ADGRL2: variants seen among roughly 807,000 people sequenced by gnomAD.
ADGRL2 encodes the protein calcium-independent alpha-latrotoxin receptor 2.
Under a neutral mutation model 157.4 loss-of-function variants are expected in ADGRL2, and 44 were observed. The ratio of observed to expected loss-of-function variants is 0.28; its 90% CI spans 0.22 to 0.36. ADGRL2 has a LOEUF of 0.36. Among genes scored for constraint, ADGRL2 ranks in the 10% least tolerant of loss-of-function variants. The pLI is 1.00. For missense variants in ADGRL2, 1,510 were observed against 1,768.9 expected, an observed-to-expected ratio of 0.85 and a Z score of 2.63; for synonymous variants, 585 against 624.7, an observed-to-expected ratio of 0.94 and a Z score of 0.95.
chr1:81,478,819 G>A (rs2078325599), intron 2 of ADGRL2, among the ~76,000 whole-genome samples: 1 of 151,822 alleles, frequency 6.6e-6, no homozygotes, highest in Non-Finnish European at 1.5e-5. Context: ...AAAAATACTG[G>A]CATCTGCATG....
At chr1:81,680,179 C>T (rs1206458779) in intron 3 of ADGRL2, among the ~76,000 whole-genome samples, 2 of 152,200 alleles carry the variant, frequency 1.3e-5, no homozygotes, top group African/African-American at 2.4e-5. Context: ...CCCACACTGC[C>T]AGATCGGCAG....
chr1:81,707,228 CA>C (rs1359042654), intron 1 of ADGRL2, among the ~76,000 whole-genome samples: 3 of 152,010 alleles, frequency 2.0e-5, no homozygotes, highest in South Asian at 2.1e-4. Context: ...GTACAATTAT[CA>C]GGGGGAAAAA....
At chr1:81,681,025 A>G (rs1487891725) in intron 3 of ADGRL2, among the ~76,000 whole-genome samples, 2 of 152,234 alleles carry the variant, frequency 1.3e-5, no homozygotes, top group African/African-American at 2.4e-5. Flanking sequence ...CACTATAGTA[A>G]GACCTAGGAA....
At chr1:81,527,977 G>A (rs1433826210) in intron 2 of ADGRL2, among the ~76,000 whole-genome samples, 1 of 151,966 alleles carries the variant, frequency 6.6e-6, no homozygotes, top group Non-Finnish European at 1.5e-5. Context: ...TGAGGCAGGA[G>A]AATGACGTGA....
intron 1 of ADGRL2, among the ~76,000 whole-genome samples, chr1:81,401,370 G>A (rs12138599): frequency 0.026 from 3,960 of 152,002 alleles, 84 homozygotes; most frequent in Middle Eastern, 0.088. Context: ...TGGGGCAACC[G>A]GGATCCTCTT....
chr1:81,663,985 T>C (rs1157115185), intron 3 of ADGRL2, among the ~76,000 whole-genome samples: 3 of 152,198 alleles, frequency 2.0e-5, no homozygotes, highest in Admixed American at 6.6e-5. Flanking sequence ...TTTACAAAGC[T>C]AGAAAGATCA....
intron 3 of ADGRL2, among the ~76,000 whole-genome samples, chr1:81,599,663 AT>A (rs1279429498): frequency 1.3e-5 from 2 of 152,186 alleles, no homozygotes; most frequent in Admixed American, 6.5e-5. Flanking sequence ...ATACAGTTTA[AT>A]TTTTTTTAAA....
At chr1:81,456,434 C>T (rs891224843) in intron 2 of ADGRL2, among the ~76,000 whole-genome samples, 8 of 152,084 alleles carry the variant, frequency 5.3e-5, no homozygotes, top group Middle Eastern at 3.4e-3. Context: ...GACAGGGTCT[C>T]GCTTTGTTGC....
At chr1:81,864,673 G>T (rs1159191741) in intron 2 of ADGRL2, among the ~76,000 whole-genome samples, 1 of 151,964 alleles carries the variant, frequency 6.6e-6, no homozygotes, top group Non-Finnish European at 1.5e-5. Context: ...ATTTCTAAAA[G>T]TTACGAAGCT....
intron 11 of ADGRL2, among the ~76,000 whole-genome samples, chr1:81,963,168 TC>T (rs1392268476): frequency 6.7e-5 from 6 of 89,028 alleles, no homozygotes; most frequent in Non-Finnish European, 1.5e-4. Context: ...AACTTATACT[TC>T]TTTTTTTTAT....
At chr1:81,497,850 CT>C (rs990884913) in intron 2 of ADGRL2, among the ~76,000 whole-genome samples, 2 of 152,156 alleles carry the variant, frequency 1.3e-5, no homozygotes, top group African/African-American at 4.8e-5. Context: ...AAGATGTGAA[CT>C]GTTTAAAAAT....
intron 2 of ADGRL2, among the ~76,000 whole-genome samples, chr1:81,901,710 A>G (rs1255462486): frequency 4.6e-5 from 7 of 152,116 alleles, no homozygotes; most frequent in Non-Finnish European, 7.3e-5. Flanking sequence ...TTTAGTGAAA[A>G]TGTTGGGTTT....
chr1:81,950,874 C>T, intron 7 of ADGRL2, 144 bp from the exon 8 acceptor site: 3 of 612,548 alleles, frequency 4.9e-6, no homozygotes, highest in South Asian at 2.0e-5. Context: ...TGCATTATAC[C>T]CTACTTTTTG....
chr1:81,480,314 A>T (rs2078358834), intron 2 of ADGRL2, among the ~76,000 whole-genome samples: 2 of 152,152 alleles, frequency 1.3e-5, no homozygotes. Flanking sequence ...TAAGGTAAAA[A>T]GTCAAGTATT....
chr1:81,721,762 C>A (rs901166122), intron 1 of ADGRL2: 11 of 1,404,118 alleles, frequency 7.8e-6, no homozygotes, highest in Middle Eastern at 2.0e-4. Flanking sequence ...GCATTCTGCA[C>A]ACCGAGGAAA....
intron 11 of ADGRL2, among the ~76,000 whole-genome samples, chr1:81,958,891 G>T (rs1654455443): frequency 6.6e-6 from 1 of 152,144 alleles, no homozygotes; most frequent in Non-Finnish European, 1.5e-5. Flanking sequence ...CATATAGTAT[G>T]TAGTACTCCT....
intron 1 of ADGRL2, among the ~76,000 whole-genome samples, chr1:81,803,405 C>T (rs1428372811): frequency 6.6e-6 from 1 of 152,064 alleles, no homozygotes; most frequent in African/African-American, 2.4e-5. Context: ...TTACTTAATG[C>T]TAAAGTGTCG....
intron 11 of ADGRL2, among the ~76,000 whole-genome samples, chr1:81,962,045 C>G (rs1655585990): frequency 6.6e-6 from 1 of 152,012 alleles, no homozygotes; most frequent in South Asian, 2.1e-4. Context: ...CTGTGTGTGC[C>G]TACACACACA....
At chr1:81,802,724 C>A (rs1323026556) in intron 1 of ADGRL2, among the ~76,000 whole-genome samples, 1 of 152,174 alleles carries the variant, frequency 6.6e-6, no homozygotes, top group Non-Finnish European at 1.5e-5. Context: ...GCTTTGCCCT[C>A]CGGTCCCGCA....
Sources: gnomAD v4.1 joint callset for allele counts (sites outside exome capture counted in the v4.1 genomes callset) on GRCh38, gnomAD v4.1.1 for gene constraint, MANE v1.5 for transcripts, NCBI Gene and HGNC (gene_info 2026-07-23, HGNC 2026-07-21) for gene names.